The following TMEM178B variants were observed in gnomAD, a reference collection of about 807,000 sequenced individuals.
The protein encoded by TMEM178B is transmembrane protein 178B.
Under a neutral mutation model 31.0 loss-of-function variants are expected in TMEM178B, and 5 were observed. The observed-to-expected ratio is 0.16, with a 90% CI of 0.08 to 0.34. The LOEUF (loss-of-function observed/expected upper bound fraction) is 0.34. TMEM178B is among the 10% of genes least tolerant of loss of function. TMEM178B has a pLI of 1.00. For missense variants in TMEM178B, 275 were observed against 400.3 expected (o/e 0.69, Z 2.67); for synonymous variants, 164 against 164.0 (o/e 1.00, Z 0.00).
chr7:141,254,721 AAAAC>A (rs758583797), intron 2 of TMEM178B, among the ~76,000 whole-genome samples: 35 of 152,282 alleles, frequency 2.3e-4, no homozygotes, highest in South Asian at 2.3e-3. Context: ...GACTTCGTCT[AAAAC>A]AAACAAACAA....
At chr7:141,383,742 G>T (rs1318881663) in intron 2 of TMEM178B, among the ~76,000 whole-genome samples, 2 of 152,160 alleles carry the variant, frequency 1.3e-5, no homozygotes, top group East Asian at 3.9e-4. Flanking sequence ...CCAGTAATGA[G>T]ATGGTGGGTC....
intron 2 of TMEM178B, among the ~76,000 whole-genome samples, chr7:141,237,002 A>G (rs916315534): frequency 1.6e-4 from 25 of 152,264 alleles, no homozygotes; most frequent in African/African-American, 6.0e-4. Context: ...CAGGTTGCAA[A>G]GAGAAATGGA....
intron 2 of TMEM178B, among the ~76,000 whole-genome samples, chr7:141,320,947 T>G (rs1557973): frequency 0.51 from 77,197 of 151,870 alleles, 20,952 homozygotes; most frequent in African/African-American, 0.71. Flanking sequence ...TTCAGGTGGG[T>G]GGAACCTTGC....
At chr7:141,363,323 C>A (rs1031078896) in intron 2 of TMEM178B, among the ~76,000 whole-genome samples, 1 of 152,214 alleles carries the variant, frequency 6.6e-6, no homozygotes, top group Non-Finnish European at 1.5e-5. Context: ...ACATCACTTT[C>A]TTCCCTGAGT....
chr7:141,482,227 G>A (rs1802487493), downstream of TMEM178B, among the ~76,000 whole-genome samples: 1 of 152,184 alleles, frequency 6.6e-6, no homozygotes, highest in Admixed American at 6.5e-5. Context: ...ATTGCAGACA[G>A]GCAGTTCCAA....
intron 1 of TMEM178B, among the ~76,000 whole-genome samples, chr7:141,117,576 CTT>C (rs765229619): frequency 6.6e-6 from 1 of 152,162 alleles, no homozygotes; most frequent in Non-Finnish European, 1.5e-5. Context: ...GTCATGAAGT[CTT>C]TGCCCATGCC....
chr7:141,220,207 TG>T (rs1797232334), intron 2 of TMEM178B, among the ~76,000 whole-genome samples: 1 of 150,790 alleles, frequency 6.6e-6, no homozygotes, highest in African/African-American at 2.4e-5. Flanking sequence ...CTTGGGAGGC[TG>T]AGGCAGAGGC....
chr7:141,160,179 A>G (rs568401080), intron 1 of TMEM178B, among the ~76,000 whole-genome samples: 7 of 151,976 alleles, frequency 4.6e-5, no homozygotes, highest in Admixed American at 6.6e-5. Context: ...GCTGTACCCA[A>G]TGTGTTGCCT....
chr7:141,343,303 C>A (rs1323684103), intron 2 of TMEM178B, among the ~76,000 whole-genome samples: 1 of 152,186 alleles, frequency 6.6e-6, no homozygotes, highest in Non-Finnish European at 1.5e-5. Context: ...CATGACCTCA[C>A]CCTAGTCCTG....
chr7:141,159,829 G>T (rs1404950400), intron 1 of TMEM178B, among the ~76,000 whole-genome samples: 1 of 151,994 alleles, frequency 6.6e-6, no homozygotes, highest in Non-Finnish European at 1.5e-5. Flanking sequence ...GGAATGGGGA[G>T]TTGTTTAATG....
intron 2 of TMEM178B, among the ~76,000 whole-genome samples, chr7:141,223,241 G>A (rs916088448): frequency 7.9e-5 from 12 of 152,284 alleles, no homozygotes; most frequent in South Asian, 2.1e-4. Flanking sequence ...CGGTTAGGGT[G>A]GAGGGGAGGC....
the TMEM178B span, among the ~76,000 whole-genome samples, chr7:141,507,588 T>C: frequency 6.6e-6 from 1 of 152,294 alleles, no homozygotes; most frequent in Non-Finnish European, 1.5e-5. Context: ...TCCAGGCTGG[T>C]CTTGACTCCT....
chr7:141,307,847 T>C (rs2116452472), intron 2 of TMEM178B, among the ~76,000 whole-genome samples: 1 of 152,348 alleles, frequency 6.6e-6, no homozygotes, highest in East Asian at 1.9e-4. Context: ...AATCGACATG[T>C]TGAATGTAAG....
At chr7:141,288,513 G>A (rs150623204) in intron 2 of TMEM178B, among the ~76,000 whole-genome samples, 135 of 151,138 alleles carry the variant, frequency 8.9e-4, no homozygotes, top group African/African-American at 3.2e-3. Flanking sequence ...AATAAGAAAA[G>A]AAAAAATGAT....
intron 1 of TMEM178B, among the ~76,000 whole-genome samples, chr7:141,155,463 C>T (rs6963285): frequency 0.71 from 108,756 of 152,152 alleles, 39,388 homozygotes; most frequent in African/African-American, 0.8. Context: ...ACCATGATTT[C>T]AAGCTCTCAG....
intron 2 of TMEM178B, among the ~76,000 whole-genome samples, chr7:141,432,137 T>C: frequency 6.9e-6 from 1 of 144,224 alleles, no homozygotes; most frequent in African/African-American, 2.5e-5. Context: ...TTTCTCTCCT[T>C]CACTGCATCT....
At chr7:141,138,223 G>A (rs978423745) in intron 1 of TMEM178B, among the ~76,000 whole-genome samples, 1 of 151,898 alleles carries the variant, frequency 6.6e-6, no homozygotes, top group Admixed American at 6.6e-5. Flanking sequence ...CACCATGCCT[G>A]GCTAATTTTT....
chr7:141,436,634 G>A (rs1801547163), intron 2 of TMEM178B, among the ~76,000 whole-genome samples: 2 of 152,060 alleles, frequency 1.3e-5, no homozygotes, highest in South Asian at 2.1e-4. Context: ...CGGAGCTGGT[G>A]GGGGCTGGGG....
At chr7:141,287,433 C>A (rs929756657) in intron 2 of TMEM178B, among the ~76,000 whole-genome samples, 3 of 152,134 alleles carry the variant, frequency 2.0e-5, no homozygotes, top group African/African-American at 7.2e-5. Context: ...AACCCTCAAC[C>A]CTTTTTGGAA....
Sources: allele counts gnomAD v4.1 joint callset (sites outside exome capture counted in the v4.1 genomes callset), GRCh38; gene constraint gnomAD v4.1.1; transcripts MANE v1.5; gene names NCBI Gene and HGNC (gene_info 2026-07-23, HGNC 2026-07-21).